The following PPP6R2 variants were observed in gnomAD, a reference collection of about 807,000 sequenced individuals.
The protein encoded by PPP6R2 is serine/threonine-protein phosphatase 6 regulatory subunit 2.
In PPP6R2, 62 loss-of-function variants were observed where a neutral mutation model predicts 100.2. The observed-to-expected ratio is 0.62, with a 90% confidence interval of 0.50 to 0.76. The LOEUF (loss-of-function observed/expected upper bound fraction) is 0.76. Among genes scored for constraint, PPP6R2 ranks in the 30% least tolerant of loss-of-function variants. PPP6R2 has a pLI of 0.00. For synonymous variants in PPP6R2, 525 were observed against 514.7 expected (o/e 1.02, Z -0.27); for missense variants, 1,142 against 1,276.3 (o/e 0.89, Z 1.60).
chr22:50,414,085 A>C (rs2060144613), intron 4 of PPP6R2, among the ~76,000 whole-genome samples: 1 of 151,702 alleles, frequency 6.6e-6, no homozygotes, highest in Non-Finnish European at 1.5e-5. Flanking sequence ...TTCCCCTTCA[A>C]CCGCTCATGG....
At chr22:50,398,474 C>T (rs1473146510) in intron 3 of PPP6R2, among the ~76,000 whole-genome samples, 1 of 149,138 alleles carries the variant, frequency 6.7e-6, no homozygotes, top group Non-Finnish European at 1.5e-5. Flanking sequence ...CACCCGGCCC[C>T]CATCTCTATT....
Position 50,436,422 on chromosome 22 carries a change from G to T in PPP6R2, c.1572G>T (p.Thr524=). The T allele has an allele frequency of 6.3e-7, 1 of 1,593,132 alleles. No individual in the cohort carries two copies. Residue 524 remains threonine (T), a synonymous_variant, in exon 14 of 24, where the codon ACG becomes ACT. Transcript: ENST00000612753. The stretch of plus-strand genomic sequence containing the variant: ...AGAGCTTCGTGGAGGAGACGCTGAC[G>T]GAGACGAACCGCAGGAACACTGTGG... The part of the protein sequence containing the change: ...RWESFVEETL[T]ETNRRNTVDL...
In PPP6R2 at chr22:50,397,554, C is replaced by T. The variant is rs1479978293; in HGVS notation, c.227+3419C>T. 2.0e-5 allele frequency among the ~76,000 whole-genome samples: 3 copies of T among 146,378 alleles called. 1 individual carries two copies. The highest frequency in any genetic ancestry group is 2.0e-4 in the Admixed American group (3 of 14,916). On this transcript the variant is annotated intron_variant, in intron 3 of 23. Transcript: ENST00000612753. ...CTTGGGATGCTGGGGGGCAGGGGGC[C>T]TGTCCTCACCAGCCCTGTCATCTCT...
chr22:50,341,416 C>T (rs1468542150), upstream of PPP6R2, among the ~76,000 whole-genome samples: 3 of 152,076 alleles, frequency 2.0e-5, no homozygotes, highest in Admixed American at 1.3e-4. Flanking sequence ...GTTGCCGAGG[C>T]TGTTCTCAAA....
chr22:50,423,605 C>T lies in PPP6R2; in HGVS notation c.1116C>T (p.Asp372=), dbSNP rs963973712. 5 of 1,614,022 alleles carry T rather than the reference C, an allele frequency of 3.1e-6. No individual in the cohort carries two copies. The highest frequency in any genetic ancestry group is 4.2e-6 in the Non-Finnish European group (5 of 1,180,048). Residue 372 remains aspartate (D), a synonymous_variant, in exon 10 of 24, where the codon GAC becomes GAT. Transcript: ENST00000612753. This position sits in a 1 kb window ranked among gnomAD's most constrained non-coding sequence, Gnocchi z 4.8. ...NQELCRLNTM[D]LLLDLFFKYT... ...AGCTCTGCCGGCTCAACACGATGGACTTACTGCTGGTAAGTGGGCCCCTCA... is the reference window on the plus strand; with the variant it reads ...AGCTCTGCCGGCTCAACACGATGGATTTACTGCTGGTAAGTGGGCCCCTCA...
intron 1 of PPP6R2, among the ~76,000 whole-genome samples, chr22:50,361,416 A>G (rs75823085): frequency 0.022 from 3,392 of 152,194 alleles, 44 homozygotes; most frequent in African/African-American, 0.04. Context: ...TACCTGCTGC[A>G]TTAGGCTTTG....
At position 50,400,237 on chromosome 22, in the gene PPP6R2, C is replaced by T. The variant is rs2057795773; in HGVS notation, c.227+6102C>T. Among the ~76,000 whole-genome samples, 9 of 152,346 alleles carry T rather than the reference C, an allele frequency of 5.9e-5. No individual in the cohort carries two copies. In the South Asian group the frequency reaches 1.9e-3, roughly 32 times the overall value. ...TGGGAGGAAGGGAACTTTGCCATAA[C>T]AGTTCCTGGGCCACTGACCATCCAC... On this transcript the variant is annotated intron_variant, in intron 3 of 23. Transcript: ENST00000612753.
At chr22:50,351,033 T>TG (rs1569254447) in intron 1 of PPP6R2, among the ~76,000 whole-genome samples, 1 of 115,046 alleles carries the variant, frequency 8.7e-6, no homozygotes, top group African/African-American at 3.3e-5. Context: ...AGTGTTTTTT[T>TG]TTTTTTTTTT....
intron 18 of PPP6R2, 127 bp from the exon 19 acceptor site, chr22:50,438,472 G>GCGTCT (rs2064874242): frequency 7.0e-7 from 1 of 1,420,496 alleles, no homozygotes; most frequent in South Asian, 1.3e-5. Flanking sequence ...GAGGCCTGGA[G>GCGTCT]CGTCTCGTGC....
chr22:50,376,104 T>C (rs2148601564), intron 2 of PPP6R2, among the ~76,000 whole-genome samples: 2 of 151,950 alleles, frequency 1.3e-5, no homozygotes, highest in South Asian at 2.1e-4. Flanking sequence ...AAGACAGTGA[T>C]TAATAGTACA....
Position 50,437,086 on chromosome 22 carries a change from A to G in PPP6R2, c.1683+18A>G. On this transcript the variant is annotated intron_variant, in intron 15 of 23. Coordinates refer to ENST00000612753, the MANE Select transcript of PPP6R2 (RefSeq NM_001242898.2). ...TTCAGCAGGTGAGGGCGTGGCCGGC[A>G]CCTGCACCCTGCCGGGCCCTTCCCG... The G allele has an allele frequency of 6.4e-7, 1 of 1,551,166 alleles. No individual in the cohort carries two copies. The highest frequency in any genetic ancestry group is 8.7e-7 in the Non-Finnish European group (1 of 1,147,594).
At chr22:50,349,739 C>G (rs555208067) in intron 1 of PPP6R2, among the ~76,000 whole-genome samples, 1 of 149,984 alleles carries the variant, frequency 6.7e-6, no homozygotes, top group African/African-American at 2.5e-5. Flanking sequence ...TGCTTGAACC[C>G]GGGAAGCGGA....
At chr22:50,368,465 G>A (rs193027691) in intron 1 of PPP6R2, among the ~76,000 whole-genome samples, 1 of 152,140 alleles carries the variant, frequency 6.6e-6, no homozygotes, top group East Asian at 1.9e-4. Context: ...ATCTCTGTAT[G>A]GCCTGGTTTT....
chr22:50,392,620 C>T (rs1391309501), intron 2 of PPP6R2, among the ~76,000 whole-genome samples: 1 of 152,220 alleles, frequency 6.6e-6, no homozygotes, highest in African/African-American at 2.4e-5. Flanking sequence ...AAGAAAAATG[C>T]AGCATCCTTG....
intron 2 of PPP6R2, among the ~76,000 whole-genome samples, chr22:50,392,244 G>A (rs990166004): frequency 3.3e-5 from 5 of 150,634 alleles, no homozygotes; most frequent in East Asian, 2.0e-4. Flanking sequence ...CTCAGTGCCT[G>A]TAATCCCAGC....
In PPP6R2 at chr22:50,396,058, A is replaced by G. The variant is rs189366017; in HGVS notation, c.227+1923A>G. On this transcript the variant is annotated intron_variant, in intron 3 of 23. Transcript: ENST00000612753. Reference sequence around the variant, plus strand: ...AAAAATACAAAAATTAGCAGGGCGTAGTGGCGCACGCCTGTAATCTCAGCT... The same window carrying G: ...AAAAATACAAAAATTAGCAGGGCGTGGTGGCGCACGCCTGTAATCTCAGCT... Among the ~76,000 whole-genome samples the G allele has an allele frequency of 1.1e-4, 17 of 148,268 alleles. No homozygotes were observed. The East Asian group carries it at 3.1e-3, about 27-fold the overall frequency.
At chr22:50,396,064 G>T (rs895407100) in intron 3 of PPP6R2, among the ~76,000 whole-genome samples, 5 of 149,658 alleles carry the variant, frequency 3.3e-5, no homozygotes, top group African/African-American at 9.9e-5. Flanking sequence ...GCGTAGTGGC[G>T]CACGCCTGTA....
At chr22:50,388,601 C>T (rs909702719) in intron 2 of PPP6R2, among the ~76,000 whole-genome samples, 8 of 151,960 alleles carry the variant, frequency 5.3e-5, no homozygotes, top group Non-Finnish European at 7.4e-5. Context: ...GGGCCAGGCA[C>T]GGTGGCTCAC....
chr22:50,369,237 T>TAA (rs201345413), intron 1 of PPP6R2, among the ~76,000 whole-genome samples: 15 of 141,422 alleles, frequency 1.1e-4, no homozygotes, highest in Middle Eastern at 3.5e-3. Context: ...AAATTCCATC[T>TAA]AAAAAAAAAA....
Sources: gnomAD v4.1 joint callset for allele counts (sites outside exome capture counted in the v4.1 genomes callset) on GRCh38, gnomAD v4.1.1 for gene constraint, Gnocchi (gnomAD v3.1) non-coding constraint, MANE v1.5 for transcripts, NCBI Gene and HGNC (gene_info 2026-07-23, HGNC 2026-07-21) for gene names.